SPP2: variants seen among roughly 807,000 people sequenced by gnomAD.
The protein encoded by SPP2 is secreted phosphoprotein 2, also known as secreted phosphoprotein 24.
In SPP2, 34 loss-of-function variants were observed where a neutral mutation model predicts 28.8. The observed-to-expected ratio is 1.18, with a 90% CI of 0.90 to 1.57. The LOEUF (loss-of-function observed/expected upper bound fraction) is 1.57, where lower values mean the gene tolerates loss of function less well. Among genes scored for constraint, SPP2 ranks in the 40% most tolerant of loss-of-function variants. The pLI, the probability that SPP2 is intolerant of heterozygous loss-of-function variation, is 0.00. For missense variants in SPP2, 269 were observed against 263.9 expected, an observed-to-expected ratio of 1.02 and a Z score of -0.13; for synonymous variants, 96 against 89.4, an observed-to-expected ratio of 1.07 and a Z score of -0.42.
chr2:234,060,778 T>C (rs1424959864), intron 4 of SPP2, among the ~76,000 whole-genome samples: 1 of 150,928 alleles, frequency 6.6e-6, no homozygotes, highest in Non-Finnish European at 1.5e-5. Context: ...CACGCACACA[T>C]ACACACGCAC....
intron 4 of SPP2, among the ~76,000 whole-genome samples, chr2:234,062,859 A>G (rs1319866030): frequency 6.6e-6 from 1 of 152,242 alleles, no homozygotes; most frequent in Non-Finnish European, 1.5e-5. Context: ...CTAATTGCAT[A>G]GTGAAGACCA....
chr2:234,052,500 C>A (rs895016043), intron 2 of SPP2, among the ~76,000 whole-genome samples: 10 of 152,206 alleles, frequency 6.6e-5, no homozygotes, highest in Non-Finnish European at 1.5e-4. Flanking sequence ...CCGTGGAAAT[C>A]TGCCCTGTGG....
At chr2:234,072,756 T>A (rs867138829) in intron 7 of SPP2, among the ~76,000 whole-genome samples, 16 of 152,312 alleles carry the variant, frequency 1.1e-4, no homozygotes, top group Middle Eastern at 6.8e-3. Context: ...CGATGGGATC[T>A]GGAATCCACG....
At chr2:234,064,903 T>C (rs1490416110) in intron 4 of SPP2, among the ~76,000 whole-genome samples, 1 of 152,248 alleles carries the variant, frequency 6.6e-6, no homozygotes, top group Non-Finnish European at 1.5e-5. Flanking sequence ...TTCCTTTGTA[T>C]TGTTCCGTTT....
chr2:234,070,145 C>T (rs866205191), intron 7 of SPP2, 122 bp downstream of exon 7: 2 of 675,436 alleles, frequency 3.0e-6, no homozygotes, highest in Middle Eastern at 3.2e-4. Context: ...TTTTCGGCTT[C>T]TCTGACCTCC....
chr2:234,051,163 A>G (rs1214206656), intron 2 of SPP2, 68 bp downstream of exon 2: 1 of 1,561,402 alleles, frequency 6.4e-7, no homozygotes, highest in Non-Finnish European at 8.7e-7. Context: ...AGTTCATTGG[A>G]TATACTTTTA....
chr2:234,072,493 G>T (rs1322975529), intron 7 of SPP2, among the ~76,000 whole-genome samples: 2 of 152,130 alleles, frequency 1.3e-5, no homozygotes, highest in Admixed American at 1.3e-4. Flanking sequence ...GATAACGTTG[G>T]ATGTGTATAC....
chr2:234,073,309 A>G (rs1029428812), intron 7 of SPP2, among the ~76,000 whole-genome samples: 5 of 152,240 alleles, frequency 3.3e-5, no homozygotes, highest in Admixed American at 6.5e-5. Flanking sequence ...CCATTTCATA[A>G]GGCTAAGAAC....
chr2:234,061,187 CA>C (rs1417571769), intron 4 of SPP2, among the ~76,000 whole-genome samples: 1 of 152,064 alleles, frequency 6.6e-6, no homozygotes, highest in African/African-American at 2.4e-5. Context: ...ATAATATATA[CA>C]TTTTTTCCTT....
intron 6 of SPP2, among the ~76,000 whole-genome samples, chr2:234,069,568 G>C (rs1345982036): frequency 1.3e-5 from 2 of 152,188 alleles, no homozygotes; most frequent in African/African-American, 2.4e-5. Context: ...CTTTGAACAT[G>C]ATGATTTAAT....
intron 4 of SPP2, among the ~76,000 whole-genome samples, chr2:234,064,236 C>T (rs1693775002): frequency 1.4e-5 from 1 of 73,304 alleles, no homozygotes; most frequent in Non-Finnish European, 3.0e-5. Context: ...CCATCTTCTC[C>T]TCCTTCCTCT....
At chr2:234,055,298 G>A (rs1390354898) in intron 2 of SPP2, among the ~76,000 whole-genome samples, 1 of 152,236 alleles carries the variant, frequency 6.6e-6, no homozygotes, top group Non-Finnish European at 1.5e-5. Context: ...TCCAAAGGCA[G>A]TCTGCTGGCA....
intron 2 of SPP2, among the ~76,000 whole-genome samples, chr2:234,052,492 G>A (rs760733340): frequency 2.4e-4 from 37 of 152,296 alleles, no homozygotes; most frequent in Middle Eastern, 3.4e-3. Flanking sequence ...TACTGACACC[G>A]TGGAAATCTG....
chr2:234,063,365 T>A (rs1328272698), intron 4 of SPP2, among the ~76,000 whole-genome samples: 1 of 151,816 alleles, frequency 6.6e-6, no homozygotes. Context: ...TAAAGAAAAA[T>A]GGAAGCCATG....
chr2:234,051,005 A>G lies in SPP2; in HGVS notation c.120A>G (p.Leu40=). Residue 40 remains leucine (L), a synonymous_variant, in exon 2 of 8, where the codon TTA becomes TTG. Transcript: ENST00000168148. ...TGTACGACTACGATCCATCCTCCTT[A>G]AGGGATGCCCTCAGTGCCTCTGTGG... The part of the protein sequence containing the change: ...FPVYDYDPSS[L]RDALSASVVK... The G allele has an allele frequency of 6.2e-7, 1 of 1,613,854 alleles. No individual in the cohort carries two copies.
At chr2:234,050,927 G>C in intron 1 of SPP2, 44 bp from the exon 2 acceptor site, 1 of 1,613,920 alleles carries the variant, frequency 6.2e-7, no homozygotes, top group Non-Finnish European at 8.5e-7. Context: ...CCATGCTGGC[G>C]CCTGTGTCTT....
In SPP2 at chr2:234,077,098, G is replaced by A. The variant is rs1398161272; in HGVS notation, c.*264G>A. ...AATTCTGTGATTTTTCTTCTGATCA[G>A]TTTCAATCTGTAATAAATGCCTTAT... On this transcript the variant is annotated 3_prime_UTR_variant, in exon 8 of 8. Transcript: ENST00000168148. 6.6e-6 allele frequency: 1 copy of A among 152,128 alleles called. No homozygotes were observed. The highest frequency in any genetic ancestry group is 1.5e-5 in the Non-Finnish European group (1 of 68,018). 9.4% of individuals were successfully genotyped at this position (152,128 alleles called of 1,614,324 possible).
intron 7 of SPP2, among the ~76,000 whole-genome samples, chr2:234,070,792 G>A (rs1246254152): frequency 2.6e-5 from 4 of 152,120 alleles, no homozygotes; most frequent in Admixed American, 6.5e-5. Flanking sequence ...GTGAGCATTC[G>A]TATGATCTCC....
chr2:234,064,569 G>A (rs1011786256), intron 4 of SPP2, among the ~76,000 whole-genome samples: 4 of 151,960 alleles, frequency 2.6e-5, no homozygotes, highest in Non-Finnish European at 2.9e-5. Context: ...CATTTTGGTG[G>A]AGATATAATT....
Sources: allele counts gnomAD v4.1 joint callset (sites outside exome capture counted in the v4.1 genomes callset), GRCh38; gene constraint gnomAD v4.1.1; transcripts MANE v1.5; gene names NCBI Gene and HGNC (gene_info 2026-07-23, HGNC 2026-07-21).